The following CLPB variants were observed in gnomAD, a reference collection of about 807,000 sequenced individuals.
The protein encoded by CLPB is ClpB family mitochondrial disaggregase.
A neutral mutation model predicts 78.4 loss-of-function variants in CLPB; 40 were observed. The observed-to-expected ratio is 0.51, with a 90% CI of 0.40 to 0.66. The LOEUF is 0.66. CLPB is among the 30% of genes least tolerant of loss of function. The probability of loss-of-function intolerance (pLI) is 0.00; values close to 1 mark genes in which losing one functional copy is unlikely to be tolerated. For missense variants in CLPB, 780 were observed against 886.9 expected, an observed-to-expected ratio of 0.88 and a Z score of 1.53; for synonymous variants, 333 against 348.0, an observed-to-expected ratio of 0.96 and a Z score of 0.48.
intron 1 of CLPB, 109 bp from the exon 2 acceptor site, chr11:72,430,472 G>T: frequency 1.1e-6 from 1 of 871,906 alleles, no homozygotes; most frequent in Non-Finnish European, 1.8e-6. Context: ...CGTGGACTTT[G>T]ACAAGCAAAC....
chr11:72,418,664 G>A (rs1056027343), intron 2 of CLPB, among the ~76,000 whole-genome samples: 1 of 152,056 alleles, frequency 6.6e-6, no homozygotes, highest in Non-Finnish European at 1.5e-5. Context: ...AGACCAGCCT[G>A]GCCAACATGG....
At chr11:72,402,922 A>C in intron 3 of CLPB, 44 bp downstream of exon 3, 9 of 1,533,822 alleles carry the variant, frequency 5.9e-6, no homozygotes, top group African/African-American at 1.4e-5. Flanking sequence ...CACAGTCTGC[A>C]GAGATCTGCC....
chr11:72,432,107 C>T (rs1441541777), intron 1 of CLPB, among the ~76,000 whole-genome samples: 1 of 152,176 alleles, frequency 6.6e-6, no homozygotes, highest in Non-Finnish European at 1.5e-5. Flanking sequence ...AGGCCCCACT[C>T]CATCTGCTCT....
At chr11:72,405,410 A>G (rs1163218648) in intron 2 of CLPB, among the ~76,000 whole-genome samples, 1 of 152,206 alleles carries the variant, frequency 6.6e-6, no homozygotes. Flanking sequence ...TTTCTTCCAG[A>G]AAAGTGCATA....
chr11:72,395,115 T>C (rs1398929248), intron 3 of CLPB, among the ~76,000 whole-genome samples: 1 of 152,164 alleles, frequency 6.6e-6, no homozygotes, highest in Non-Finnish European at 1.5e-5. Flanking sequence ...CTACACAGCA[T>C]CATCTCCTCC....
At chr11:72,363,116 A>C (rs1950871656) in intron 4 of CLPB, among the ~76,000 whole-genome samples, 1 of 151,722 alleles carries the variant, frequency 6.6e-6, no homozygotes, top group African/African-American at 2.4e-5. Context: ...AGATCACGCC[A>C]CTGCACTCCA....
rs181558096 is a variant in CLPB, at chr11:72,337,717, C to T, written c.776-7913G>A. Among the ~76,000 whole-genome samples the T allele has an allele frequency of 3.3e-5, 5 of 152,300 alleles. No homozygotes were observed. The East Asian group carries it at 9.6e-4, about 29-fold the overall frequency. ...GGAAGCCAGGTCTGATTTTCCACTA[C>T]AAAATGCTACCTTCCAAAGGCCTGA... On this transcript the variant is annotated intron_variant, in intron 5 of 15. Transcript: ENST00000538039.
chr11:72,372,140 T>G (rs925927832), intron 4 of CLPB, among the ~76,000 whole-genome samples: 4 of 152,272 alleles, frequency 2.6e-5, no homozygotes, highest in African/African-American at 9.6e-5. Flanking sequence ...CACAGTTAGG[T>G]AATGGCTAAG....
intron 3 of CLPB, among the ~76,000 whole-genome samples, chr11:72,396,307 T>C (rs1454540950): frequency 6.6e-6 from 1 of 152,166 alleles, no homozygotes; most frequent in Non-Finnish European, 1.5e-5. Context: ...AGGGAGACTC[T>C]TGTGGGGAAT....
intron 5 of CLPB, chr11:72,351,286 T>C: frequency 1.3e-5 from 2 of 152,222 alleles, no homozygotes; most frequent in Non-Finnish European, 2.9e-5. Flanking sequence ...TGACTATATT[T>C]GTCCCAGAAT....
chr11:72,295,778 G>T, intron 11 of CLPB, 130 bp from the exon 12 acceptor site: 1 of 858,690 alleles, frequency 1.2e-6, no homozygotes, highest in Non-Finnish European at 1.8e-6. Context: ...CCAGCAGCCA[G>T]CTGCTTCCTC....
chr11:72,378,520 C>T (rs2135672682), intron 4 of CLPB, among the ~76,000 whole-genome samples: 1 of 152,298 alleles, frequency 6.6e-6, no homozygotes, highest in Non-Finnish European at 1.5e-5. Flanking sequence ...GAAAGACTAG[C>T]CCCCATGATT....
intron 3 of CLPB, among the ~76,000 whole-genome samples, chr11:72,401,422 C>A (rs1443342481): frequency 6.6e-6 from 1 of 151,926 alleles, no homozygotes; most frequent in Non-Finnish European, 1.5e-5. Context: ...AGCCTGGCAA[C>A]AGAGTGAGAC....
At chr11:72,415,655 A>G (rs1294142047) in intron 2 of CLPB, among the ~76,000 whole-genome samples, 2 of 152,228 alleles carry the variant, frequency 1.3e-5, no homozygotes, top group Non-Finnish European at 2.9e-5. Context: ...CCTTTAGGTT[A>G]AAACAAGCTC....
chr11:72,308,007 T>C (rs1949775159), intron 8 of CLPB, among the ~76,000 whole-genome samples: 1 of 152,192 alleles, frequency 6.6e-6, no homozygotes, highest in South Asian at 2.1e-4. Context: ...GGGGGGGTTC[T>C]GTCAGGGCAG....
intron 4 of CLPB, among the ~76,000 whole-genome samples, chr11:72,367,308 C>T (rs184077356): frequency 2.6e-4 from 40 of 152,282 alleles, no homozygotes; most frequent in East Asian, 1.5e-3. Flanking sequence ...GGACTACAGG[C>T]GCGTGCCACC....
rs150648614 is a variant in CLPB at position 72,346,187 on chromosome 11, T to C, written c.775+12693A>G. Among the ~76,000 whole-genome samples the C allele has an allele frequency of 3.0e-4, 46 of 152,234 alleles. No individual in the cohort carries two copies. In the East Asian group the frequency reaches 4.4e-3, roughly 15 times the overall value. The stretch of plus-strand genomic sequence containing the variant: ...TTACAGTCCCAGCTACACGGGAGGC[T>C]GAGGTGAGAGGATCACTTGAGGCCA... On this transcript the variant is annotated intron_variant, in intron 5 of 15. Coordinates refer to ENST00000538039, the MANE Select transcript of CLPB (RefSeq NM_001258392.3).
At chr11:72,321,537 G>A (rs566416777) in intron 6 of CLPB, among the ~76,000 whole-genome samples, 1 of 152,322 alleles carries the variant, frequency 6.6e-6, no homozygotes, top group Non-Finnish European at 1.5e-5. Context: ...GCCTAGCTGG[G>A]CTCGCTTTGC....
rs758613799 is a variant in CLPB, at chr11:72,293,422, C to A, written c.1979G>T (p.Arg660Leu). ...CAGTGGTGCCCGGATGTCCAGTCTGCGAGTCTTGCTGTCCTTGTCGATGAT... is the reference window on the plus strand; with the variant it reads ...CAGTGGTGCCCGGATGTCCAGTCTGAGAGTCTTGCTGTCCTTGTCGATGAT... ...LEIIDKDSKTRRLDIRAPLHP... is the reference protein window; with the variant it reads ...LEIIDKDSKTLRLDIRAPLHP... Residue 660 changes from arginine (R) to leucine (L), a missense_variant, in exon 16 of 16, where the codon CGC (arginine) becomes CTC (leucine). By Grantham distance (102) the Arg-to-Leu change is moderately radical. This residue lies in a region of CLPB where 272 missense variants were observed against 304.0 expected (regional missense o/e 0.89). Coordinates refer to ENST00000538039, the MANE Select transcript of CLPB (RefSeq NM_001258392.3). 1 of 1,614,128 alleles carries A rather than the reference C, an allele frequency of 6.2e-7. No homozygotes were observed. Among genetic ancestry groups the A allele is most frequent in the Non-Finnish European group, 8.5e-7 (1 of 1,180,014 alleles).
Sources: allele counts gnomAD v4.1 joint callset (sites outside exome capture counted in the v4.1 genomes callset), GRCh38; gene constraint gnomAD v4.1.1; regional missense constraint gnomAD v4.1.1; transcripts MANE v1.5; gene names NCBI Gene and HGNC (gene_info 2026-07-23, HGNC 2026-07-21).